Variants in PCM1 observed in about 807,000 individuals in gnomAD.
PCM1 encodes pericentriolar material 1.
Under a neutral mutation model 241.9 loss-of-function variants are expected in PCM1, and 157 were observed. The ratio of observed to expected loss-of-function variants is 0.65; its 90% CI spans 0.57 to 0.74. PCM1 has a LOEUF of 0.74. PCM1 is among the 30% of genes least tolerant of loss of function. The pLI is 0.00. For missense variants in PCM1, 3,478 were observed against 2,360.1 expected, an observed-to-expected ratio of 1.47 and a Z score of -9.81; for synonymous variants, 1,085 against 784.9, an observed-to-expected ratio of 1.38 and a Z score of -6.39.
At chr8:17,930,748 C>G (rs182886214) in intron 2 of PCM1, among the ~76,000 whole-genome samples, 2 of 151,758 alleles carry the variant, frequency 1.3e-5, no homozygotes, top group Non-Finnish European at 2.9e-5. Flanking sequence ...GGCGTGGTGG[C>G]GGGTGCCTGT....
intron 29 of PCM1, among the ~76,000 whole-genome samples, chr8:18,003,759 A>T (rs967263423): frequency 2.3e-4 from 35 of 152,112 alleles, no homozygotes; most frequent in African/African-American, 8.4e-4. Flanking sequence ...ACTTATAAAT[A>T]TATGTATATA....
At chr8:17,986,423 G>T (rs11776689) in intron 26 of PCM1, among the ~76,000 whole-genome samples, 8,046 of 145,312 alleles carry the variant, frequency 0.055, 288 homozygotes, top group Non-Finnish European at 0.08. Flanking sequence ...ACAGGTATCA[G>T]ATTACAGTAA....
rs769469283 is a variant in PCM1 at position 17,995,240 on chromosome 8, C to G, written c.4827+1621C>G. On this transcript the variant is annotated intron_variant, in intron 29 of 38. Transcript: ENST00000325083. ...ATAGAGGTCTAGTTTCATTCCTCTG[C>G]ATATGGATATCCAGTTACCCCAGCA... Among the ~76,000 whole-genome samples the G allele has an allele frequency of 5.1e-4, 77 of 151,506 alleles. 1 individual carries two copies. The highest frequency in any genetic ancestry group is 1.2e-4 in the Non-Finnish European group (8 of 68,034).
chr8:17,976,712 A>T, intron 23 of PCM1, among the ~76,000 whole-genome samples: 1 of 151,960 alleles, frequency 6.6e-6, no homozygotes, highest in East Asian at 1.9e-4. Context: ...TACTAATGTC[A>T]CCCCCTCATG....
At chr8:17,966,894 A>T (rs914059420) in intron 20 of PCM1, 86 bp from the exon 21 acceptor site, 3 of 1,268,750 alleles carry the variant, frequency 2.4e-6, no homozygotes, top group Non-Finnish European at 3.3e-6. Flanking sequence ...CTTTTGAATC[A>T]TTTTTTTACA....
Position 17,939,000 on chromosome 8 carries a change from G to A in PCM1, c.603G>A (p.Glu201=). 6.2e-7 allele frequency: 1 copy of A among 1,613,558 alleles called. No individual in the cohort carries two copies. Among genetic ancestry groups the A allele is most frequent in the Non-Finnish European group, 8.5e-7 (1 of 1,179,542 alleles). The part of the protein sequence containing the change: ...EEDGRGEPAM[E]SSQIVSRLVQ... ...ATGGGAGGGGAGAACCTGCAATGGAGAGCAGCCAGGTGATAACGTTTGTTT... is the reference window on the plus strand; with the variant it reads ...ATGGGAGGGGAGAACCTGCAATGGAAAGCAGCCAGGTGATAACGTTTGTTT... Residue 201 remains glutamate, a synonymous_variant, in exon 5 of 39, where the codon GAG becomes GAA. Coordinates refer to ENST00000325083, the MANE Select transcript of PCM1 (RefSeq NM_006197.4).
At chr8:17,959,929 T>C (rs890007848) in intron 13 of PCM1, 85 bp from the exon 14 acceptor site, 32 of 1,268,680 alleles carry the variant, frequency 2.5e-5, no homozygotes, top group Non-Finnish European at 3.4e-5. Context: ...ATGTAAATTT[T>C]ACAGACTAGT....
chr8:18,009,645 T>TA lies in PCM1; in HGVS notation c.5063dup (p.Leu1689AlafsTer7). 1 of 1,588,216 alleles carries TA rather than the reference T, an allele frequency of 6.3e-7. No individual in the cohort carries two copies. The highest frequency in any genetic ancestry group is 8.6e-7 in the Non-Finnish European group (1 of 1,167,454). On this transcript the variant is annotated frameshift_variant, in exon 31 of 39. Transcript: ENST00000325083. LOFTEE classifies it high-confidence loss of function. ...TGTTGTTCAATGAATTGGCTTTCTT[T>TA]AAGCTTATGCAAGATTTGGATAATA... is the stretch of plus-strand genomic sequence containing the variant.
intron 29 of PCM1, among the ~76,000 whole-genome samples, chr8:17,997,414 C>G (rs542106725): frequency 6.6e-6 from 1 of 152,104 alleles, no homozygotes; most frequent in Non-Finnish European, 1.5e-5. Flanking sequence ...CCTTCTTGTA[C>G]TTGAATGTTG....
chr8:17,948,074 T>A (rs946185550), intron 7 of PCM1, among the ~76,000 whole-genome samples: 4 of 152,166 alleles, frequency 2.6e-5, no homozygotes, highest in African/African-American at 9.7e-5. Flanking sequence ...TAAGTTATGT[T>A]TTCTAATAGT....
At chr8:17,976,656 A>C (rs1248901441) in intron 23 of PCM1, among the ~76,000 whole-genome samples, 1 of 152,138 alleles carries the variant, frequency 6.6e-6, no homozygotes, top group African/African-American at 2.4e-5. Context: ...GCCATGGCTG[A>C]TCTCTTTCCC....
chr8:17,980,554 T>G (rs2080356487), intron 23 of PCM1, 37 bp from the exon 24 acceptor site: 2 of 1,538,860 alleles, frequency 1.3e-6, no homozygotes, highest in East Asian at 4.6e-5. Flanking sequence ...TTTGAGTTAG[T>G]TGCAACTGAT....
Position 17,957,764 on chromosome 8 carries a change from G to A in PCM1, c.2029G>A (p.Ala677Thr). Residue 677 changes from alanine to threonine, a missense_variant, in exon 13 of 39, where the codon GCT becomes ACT. Physicochemically the swap from Ala to Thr is moderately conservative, Grantham distance 58. Transcript: ENST00000325083. ...QKLRQLQDLV[A>T]MVQDDDAAQG... ...ACTTAGACAGTTACAAGATCTTGTTGCTATGGTACAGGTAAATATTGCTTG... is the reference window on the plus strand; with the variant it reads ...ACTTAGACAGTTACAAGATCTTGTTACTATGGTACAGGTAAATATTGCTTG... The A allele has an allele frequency of 6.2e-7, 1 of 1,609,122 alleles. No homozygotes were observed. The highest frequency in any genetic ancestry group is 8.5e-7 in the Non-Finnish European group (1 of 1,175,872).
chr8:17,938,903 C>G lies in PCM1; in HGVS notation c.506C>G (p.Ala169Gly). The change falls in exon 5 of 39, where the codon GCA (alanine) becomes GGA (glycine). Residue 169 changes from alanine (A) to glycine (G), a missense_variant. Physicochemically the swap from Ala to Gly is moderately conservative, Grantham distance 60. Coordinates refer to ENST00000325083, the MANE Select transcript of PCM1 (RefSeq NM_006197.4). ...CCAAACAGAGAAACGATTGGATCAG[C>G]ACAGTGTAAAGAGTTGTTTGCTTCT... ...NPPNRETIGSAQCKELFASAL... is the reference protein window; with the variant it reads ...NPPNRETIGSGQCKELFASAL... 3 of 1,613,670 alleles carry G rather than the reference C, an allele frequency of 1.9e-6. No homozygotes were observed. Among genetic ancestry groups the G allele is most frequent in the Non-Finnish European group, 2.5e-6 (3 of 1,179,590 alleles).
rs753177756 is a variant in PCM1, at chr8:18,009,581, A to T, written c.4997A>T (p.Lys1666Ile). ...SLAKFAGRKL[K>I]DCGEDLLVEI... ...GCAAAATTTGCTGGCAGAAAACTGAAAGACTGTGGAGAAGATCTTCTTGTA... is the reference window on the plus strand; with the variant it reads ...GCAAAATTTGCTGGCAGAAAACTGATAGACTGTGGAGAAGATCTTCTTGTA... The change falls in exon 31 of 39, where the codon AAA becomes ATA. Residue 1666 changes from lysine to isoleucine, a missense_variant. Coordinates refer to ENST00000325083, the MANE Select transcript of PCM1 (RefSeq NM_006197.4). The T allele has an allele frequency of 1.6e-5, 26 of 1,602,418 alleles. No homozygotes were observed. Among genetic ancestry groups the T allele is most frequent in the Non-Finnish European group, 8.5e-7 (1 of 1,173,938 alleles).
At chr8:17,971,829 G>A (rs143674521) in intron 22 of PCM1, among the ~76,000 whole-genome samples, 1 of 152,136 alleles carries the variant, frequency 6.6e-6, no homozygotes, top group Non-Finnish European at 1.5e-5. Flanking sequence ...CTGCCTCCTT[G>A]AATTCCTGGG....
chr8:17,926,100 A>G (rs1180665187), intron 2 of PCM1: 28 of 152,200 alleles, frequency 1.8e-4, no homozygotes, highest in Admixed American at 1.8e-3. Context: ...TGTTAATACT[A>G]CAGTGATTGC....
intron 2 of PCM1, among the ~76,000 whole-genome samples, chr8:17,928,598 C>T (rs1029272378): frequency 6.8e-6 from 1 of 146,550 alleles, no homozygotes; most frequent in African/African-American, 2.5e-5. Flanking sequence ...TTCTCTTCTG[C>T]ATTTTTAGTA....
At chr8:18,024,126 C>CCAAT (rs1386343688) in intron 36 of PCM1, among the ~76,000 whole-genome samples, 2 of 152,180 alleles carry the variant, frequency 1.3e-5, no homozygotes, top group African/African-American at 4.8e-5. Context: ...TGGGTCATTT[C>CCAAT]CAATCAATGC....
Sources: gnomAD v4.1 joint callset for allele counts (sites outside exome capture counted in the v4.1 genomes callset) on GRCh38, gnomAD v4.1.1 for gene constraint, MANE v1.5 for transcripts, NCBI Gene and HGNC (gene_info 2026-07-23, HGNC 2026-07-21) for gene names.